FANCA: variants seen among roughly 807,000 people sequenced by gnomAD.
The protein encoded by FANCA is Fanconi anemia group A protein.
Under a neutral mutation model 194.3 loss-of-function variants are expected in FANCA, and 236 were observed. That is an observed-to-expected ratio of 1.21 (90% CI 1.09 to 1.35). The LOEUF (loss-of-function observed/expected upper bound fraction) is 1.35. Among genes scored for constraint, FANCA ranks in the 40% most tolerant of loss-of-function variants. The pLI is 0.00. For missense variants in FANCA, 2,628 were observed against 1,813.9 expected (o/e 1.45, Z -8.15); for synonymous variants, 1,014 against 715.8 (o/e 1.42, Z -6.65).
chr16:89,755,669 A>C (rs767733949), intron 30 of FANCA, among the ~76,000 whole-genome samples: 1 of 152,268 alleles, frequency 6.6e-6, no homozygotes, highest in Admixed American at 6.5e-5. Flanking sequence ...TACAAATCAT[A>C]TATTTGATAA....
chr16:89,743,697 C>T (rs925544459), intron 36 of FANCA, among the ~76,000 whole-genome samples: 1 of 151,976 alleles, frequency 6.6e-6, no homozygotes, highest in Non-Finnish European at 1.5e-5. Flanking sequence ...GTGGCTCACG[C>T]CTGTAATCCC....
intron 31 of FANCA, among the ~76,000 whole-genome samples, chr16:89,750,129 G>A (rs1366015169): frequency 1.3e-5 from 2 of 151,960 alleles, no homozygotes; most frequent in East Asian, 3.9e-4. Flanking sequence ...TTGGGAGGCC[G>A]AGGCAGGCAG....
intron 2 of FANCA, among the ~76,000 whole-genome samples, 153 bp from the exon 3 acceptor site, chr16:89,814,766 C>A (rs2041035513): frequency 6.6e-6 from 1 of 151,690 alleles, no homozygotes; most frequent in Non-Finnish European, 1.5e-5. Context: ...CATAGTGAAA[C>A]CCTGTCTCTA....
intron 2 of FANCA, 39 bp downstream of exon 2, chr16:89,815,838 C>T: frequency 6.6e-7 from 1 of 1,511,878 alleles, no homozygotes; most frequent in Non-Finnish European, 9.2e-7. Flanking sequence ...AAACCCCGAA[C>T]CTAAATCTGC....
In FANCA at chr16:89,816,529, C is replaced by CCAG; in HGVS notation, c.79+7_79+8insCTG. On this transcript the variant is annotated splice_region_variant and intron_variant, in intron 1 of 42. Coordinates refer to ENST00000389301, the MANE Select transcript of FANCA (RefSeq NM_000135.4). ...CGCCCACTCCCGCGGCCTGCCGCGC[C>CCAG]CACCTACCCAGCAGCTCGGCCCAGG... The CCAG allele has an allele frequency of 6.7e-7, 1 of 1,487,750 alleles. No homozygotes were observed. The highest frequency in any genetic ancestry group is 8.9e-7 in the Non-Finnish European group (1 of 1,125,874). 92.2% of individuals were successfully genotyped at this position (1,487,750 alleles called of 1,614,324 possible).
rs530420254 is a variant in FANCA at position 89,801,802 on chromosome 16, C to T, written c.792+1457G>A. Among the ~76,000 whole-genome samples, 60 of 151,624 alleles carry T rather than the reference C, an allele frequency of 4.0e-4. 1 individual carries two copies. The Middle Eastern group carries it at 0.014, about 35-fold the overall frequency. On this transcript the variant is annotated intron_variant, in intron 8 of 42. Transcript: ENST00000389301. Reference sequence around the variant, plus strand: ...ATTCGGGAGGCTGAGGCAGGAGAATCGGTTGAACCTGGGAGGCAGAGGTTG... The same window carrying T: ...ATTCGGGAGGCTGAGGCAGGAGAATTGGTTGAACCTGGGAGGCAGAGGTTG...
intron 1 of FANCA, chr16:89,816,208 G>C (rs2041116199): frequency 5.4e-6 from 3 of 550,518 alleles, no homozygotes; most frequent in Non-Finnish European, 9.9e-6. Context: ...GGGGAGCCCG[G>C]GGACGGCTGG....
In FANCA at chr16:89,740,974, T is replaced by C; in HGVS notation, c.3766-108A>G. 3 of 980,378 alleles carry C rather than the reference T, an allele frequency of 3.1e-6. No homozygotes were observed. The South Asian group carries it at 4.2e-5, about 14-fold the overall frequency. The allele number at this position is 980,378 out of a possible 1,614,324, so 60.7% of individuals were successfully genotyped here. The stretch of plus-strand genomic sequence containing the variant: ...ATTGAAATTTTTTACATCTAGGCCA[T>C]AAATCCTTTAAGTGGATCTTAGAAA... On this transcript the variant is annotated intron_variant, in intron 37 of 42. Coordinates refer to ENST00000389301, the MANE Select transcript of FANCA (RefSeq NM_000135.4).
At position 89,767,168 on chromosome 16, in the gene FANCA, G is replaced by C. The variant is rs17233141; in HGVS notation, c.2574C>G (p.Ser858Arg). 9.0e-3 allele frequency: 14,450 copies of C among 1,613,284 alleles called. 135 individuals are homozygous for C. Among genetic ancestry groups the C allele is most frequent in the South Asian group, 0.032 (2,919 of 91,058 alleles). The change falls in exon 27 of 43, where the codon AGC becomes AGG. Residue 858 changes from serine to arginine, a missense_variant. Ser to Arg is a moderately radical substitution (Grantham distance 110). Coordinates refer to ENST00000389301, the MANE Select transcript of FANCA (RefSeq NM_000135.4). ...FSSQSRDTLC[S>R]CLSPGLIKKF... ...TTTTAATAAGGCCTGGAGATAAGCA[G>C]CTGCACAAAGTATCTCGTGACTGGG...
At position 89,740,502 on chromosome 16, in the gene FANCA, GACTC is replaced by G. The variant is rs2062102808; in HGVS notation, c.3828+298_3828+301del. ...ATACAAAAATTAGCCGGGTGTGACAGACTCACGCCTGTAATCCCAGCTACTCGGG... is the reference window on the plus strand; with the variant it reads ...ATACAAAAATTAGCCGGGTGTGACAGACGCCTGTAATCCCAGCTACTCGGG... On this transcript the variant is annotated intron_variant, in intron 38 of 42. Transcript: ENST00000389301. 3 of 485,790 alleles carry G rather than the reference GACTC, an allele frequency of 6.2e-6. No homozygotes were observed. In the South Asian group the frequency reaches 6.9e-5, roughly 11 times the overall value. The allele number at this position is 485,790 out of a possible 1,614,324, so 30.1% of individuals were successfully genotyped here.
chr16:89,771,445 C>G (rs2039322692), intron 23 of FANCA, among the ~76,000 whole-genome samples: 1 of 152,112 alleles, frequency 6.6e-6, no homozygotes, highest in Non-Finnish European at 1.5e-5. Context: ...GGCAACAAAG[C>G]AAGACCCTGT....
chr16:89,737,637 T>C lies in FANCA; in HGVS notation c.*964A>G. ...CCACGTGACAGTGTATAAAGCAGTT[T>C]AAAGATCTTAATAAACGAGGCCCTC... is the stretch of plus-strand genomic sequence containing the variant. On this transcript the variant is annotated 3_prime_UTR_variant, in exon 43 of 43. Coordinates refer to ENST00000389301, the MANE Select transcript of FANCA (RefSeq NM_000135.4). 1 of 1,347,720 alleles carries C rather than the reference T, an allele frequency of 7.4e-7. No individual in the cohort carries two copies. Among genetic ancestry groups the C allele is most frequent in the Non-Finnish European group, 9.9e-7 (1 of 1,012,290 alleles). The allele number at this position is 1,347,720 out of a possible 1,614,324, so 83.5% of individuals were successfully genotyped here.
intron 30 of FANCA, among the ~76,000 whole-genome samples, chr16:89,756,748 G>C (rs531073068): frequency 3.9e-4 from 59 of 152,224 alleles, no homozygotes; most frequent in Non-Finnish European, 5.3e-4. Flanking sequence ...ACCCATAAAG[G>C]CTGGGGAAGC....
chr16:89,739,881 C>T (rs2062083551), intron 39 of FANCA, 113 bp downstream of exon 39: 2 of 1,559,574 alleles, frequency 1.3e-6, no homozygotes, highest in South Asian at 1.2e-5. Context: ...TAAAATGGAG[C>T]TTATAAACTT....
intron 14 of FANCA, among the ~76,000 whole-genome samples, chr16:89,785,858 G>T (rs8044522): frequency 1 from 137,428 of 138,058 alleles, 68,404 homozygotes; most frequent in Middle Eastern, 1. Context: ...ATTGTGTTTT[G>T]TTTTTTTTTT....
At chr16:89,816,259 C>A in intron 1 of FANCA, 1 of 313,220 alleles carries the variant, frequency 3.2e-6, no homozygotes, top group Non-Finnish European at 5.9e-6. Flanking sequence ...CCAGGCCGCG[C>A]ACCCCAGGCC....
intron 14 of FANCA, among the ~76,000 whole-genome samples, chr16:89,787,474 C>T (rs1234287919): frequency 6.6e-6 from 1 of 151,910 alleles, no homozygotes; most frequent in Non-Finnish European, 1.5e-5. Flanking sequence ...GAGCCAAGGT[C>T]GCACCACTGC....
chr16:89,760,701 G>A (rs559587231), intron 29 of FANCA, among the ~76,000 whole-genome samples: 3 of 152,210 alleles, frequency 2.0e-5, no homozygotes, highest in Admixed American at 2.0e-4. Context: ...ACTCATGGGG[G>A]TTCACTGCTT....
At chr16:89,748,960 C>A (rs1350285599) in intron 32 of FANCA, among the ~76,000 whole-genome samples, 193 bp from the exon 33 acceptor site, 1 of 152,112 alleles carries the variant, frequency 6.6e-6, no homozygotes, top group Non-Finnish European at 1.5e-5. Context: ...CTGTGTTTGG[C>A]CCACTGCATT....
Sources: allele counts gnomAD v4.1 joint callset (sites outside exome capture counted in the v4.1 genomes callset), GRCh38; gene constraint gnomAD v4.1.1; transcripts MANE v1.5; gene names NCBI Gene and HGNC (gene_info 2026-07-23, HGNC 2026-07-21).